Variants in SELENOS observed in about 807,000 individuals in gnomAD.
The protein encoded by SELENOS is selenoprotein S, also known as VCP interacting membrane selenoprotein.
A neutral mutation model predicts 30.2 loss-of-function variants in SELENOS; 37 were observed. The ratio of observed to expected loss-of-function variants is 1.23; its 90% CI spans 0.94 to 1.61. The LOEUF is 1.61. Among genes scored for constraint, SELENOS ranks in the 40% most tolerant of loss-of-function variants. SELENOS has a pLI of 0.00. For missense variants in SELENOS, 289 were observed against 231.8 expected (o/e 1.25, Z -1.60); for synonymous variants, 119 against 91.6 (o/e 1.30, Z -1.71).
At chr15:101,271,582 T>C (rs908948228), downstream of SELENOS, 1 of 152,250 alleles carries the variant, frequency 6.6e-6, no homozygotes, top group South Asian at 2.1e-4. Context: ...CCTCAAGAGA[T>C]TTTAAGTCTC....
downstream of SELENOS, chr15:101,271,493 G>C (rs986406109): frequency 6.6e-6 from 1 of 152,176 alleles, no homozygotes; most frequent in Non-Finnish European, 1.5e-5. Context: ...AAAGACTTAA[G>C]ACTATGCCAA....
Position 101,274,460 on chromosome 15 carries a change from G to C in SELENOS, c.444C>G (p.Val148=). The change falls in exon 5 of 6, where the codon GTC becomes GTG. Residue 148 remains valine (V), a synonymous_variant. Coordinates refer to ENST00000526049, the MANE Select transcript of SELENOS (RefSeq NM_018445.6). The stretch of plus-strand genomic sequence containing the variant: ...GCTTTCTGTCCGATTTCCGTTTCAG[G>C]ACAGATGAAGTGGAAGGCCCAGGAC... ...EDSPGPSTSS[V]LKRKSDRKPL... 2 of 1,609,656 alleles carry C rather than the reference G, an allele frequency of 1.2e-6. No individual in the cohort carries two copies. Among genetic ancestry groups the C allele is most frequent in the Middle Eastern group, 3.3e-4 (2 of 6,058 alleles).
chr15:101,275,228 C>T, intron 3 of SELENOS, 27 bp downstream of exon 3: 1 of 1,514,274 alleles, frequency 6.6e-7, no homozygotes, highest in Non-Finnish European at 8.8e-7. Context: ...TTTCTATGCA[C>T]ACATTCAAAC....
chr15:101,272,699 C>A lies in SELENOS; in HGVS notation c.*72G>T. The A allele has an allele frequency of 4.1e-6, 6 of 1,470,494 alleles. No homozygotes were observed. The highest frequency in any genetic ancestry group is 5.6e-6 in the Non-Finnish European group (6 of 1,073,676). 91.1% of individuals were successfully genotyped at this position (1,470,494 alleles called of 1,614,324 possible). ...CCCCTTGGCTAGTCACTGTGAAAAG[C>A]GTGCGTAAGGCAATTGAATCGAGGG... is the stretch of plus-strand genomic sequence containing the variant. On this transcript the variant is annotated 3_prime_UTR_variant, in exon 6 of 6. Coordinates refer to ENST00000526049, the MANE Select transcript of SELENOS (RefSeq NM_018445.6).
At chr15:101,275,647 G>C (rs1596465971) in intron 2 of SELENOS, among the ~76,000 whole-genome samples, 1 of 152,006 alleles carries the variant, frequency 6.6e-6, no homozygotes, top group African/African-American at 2.4e-5. Context: ...ATAAAGCCTG[G>C]GATAGTGGCC....
chr15:101,274,611 C>A lies in SELENOS; in HGVS notation c.389G>T (p.Gly130Val), dbSNP rs79140824. The change falls in exon 4 of 6, where the codon GGA (glycine) becomes GTA (valine). Residue 130 changes from glycine (G) to valine (V), a missense_variant. By Grantham distance (109) the Gly-to-Val change is moderately radical. Transcript: ENST00000526049. ...AGTCACCTGGGGCTTCTTTGCATTT[C>A]CTTTGTAACTTTTTCCTTCTTGCAT... ...DSMQEGKSYK[G>V]NAKKPQEEDS... 9,735 of 1,613,562 alleles carry A rather than the reference C, an allele frequency of 6.0e-3. 299 individuals carry two copies. The African/African-American group carries it at 0.089, about 15-fold the overall frequency.
downstream of SELENOS, chr15:101,271,538 T>C (rs1567117859): frequency 6.6e-6 from 1 of 152,266 alleles, no homozygotes; most frequent in Non-Finnish European, 1.5e-5. Context: ...TCAAGGCTCC[T>C]GTTTCCTCTC....
Position 101,272,551 on chromosome 15 carries a change from C to T in SELENOS, c.*220G>A. The T allele has an allele frequency of 2.0e-6, 1 of 497,004 alleles. No individual in the cohort carries two copies. The highest frequency in any genetic ancestry group is 1.9e-5 in the African/African-American group (1 of 51,690). 30.8% of individuals were successfully genotyped at this position (497,004 alleles called of 1,614,324 possible). On this transcript the variant is annotated 3_prime_UTR_variant, in exon 6 of 6. Coordinates refer to ENST00000526049, the MANE Select transcript of SELENOS (RefSeq NM_018445.6). ...CAATTAACCATGAAATCAATGAATG[C>T]AATCACTGTCTCCAAGTAGAATGTG...
chr15:101,277,414 C>A lies in SELENOS; in HGVS notation c.4G>T (p.Glu2Ter), dbSNP rs1184711488. ...GCGGACAGAGACTCCTCTTGGCGTTCCATGACCGCCGCCGCCGCCGCCGCC... is the reference window on the plus strand; with the variant it reads ...GCGGACAGAGACTCCTCTTGGCGTTACATGACCGCCGCCGCCGCCGCCGCC... M[E>*]RQEESLSARP... Residue 2 changes from glutamate to a stop codon, truncating the protein, a stop_gained, in exon 1 of 6, where the codon GAA becomes TAA. Coordinates refer to ENST00000526049, the MANE Select transcript of SELENOS (RefSeq NM_018445.6). LOFTEE classifies it high-confidence loss of function. 2 of 1,475,678 alleles carry A rather than the reference C, an allele frequency of 1.4e-6. No individual in the cohort carries two copies. Among genetic ancestry groups the A allele is most frequent in the Non-Finnish European group, 1.8e-6 (2 of 1,121,164 alleles). 91.4% of individuals were successfully genotyped at this position (1,475,678 alleles called of 1,614,324 possible). A position where few individuals can be genotyped will look rare whatever the true frequency, so the allele number is the denominator to read the frequency against.
intron 3 of SELENOS, 198 bp downstream of exon 3, chr15:101,275,057 C>T (rs2039308656): frequency 3.4e-6 from 2 of 580,868 alleles, no homozygotes; most frequent in African/African-American, 1.9e-5. Context: ...AATATATTCA[C>T]ACATCTAGTG....
At chr15:101,273,344 C>A (rs2039290473) in intron 5 of SELENOS, among the ~76,000 whole-genome samples, 1 of 152,214 alleles carries the variant, frequency 6.6e-6, no homozygotes, top group Admixed American at 6.5e-5. Flanking sequence ...AGTCAGTGCA[C>A]AACTGGTAAC....
chr15:101,273,987 A>C (rs2039296536), intron 5 of SELENOS, among the ~76,000 whole-genome samples: 1 of 152,220 alleles, frequency 6.6e-6, no homozygotes, highest in Non-Finnish European at 1.5e-5. Context: ...GATGGGATGA[A>C]GACAGACTGC....
downstream of SELENOS, chr15:101,270,889 GA>G (rs1246630357): frequency 3.9e-5 from 6 of 152,120 alleles, no homozygotes; most frequent in East Asian, 1.2e-3. Flanking sequence ...CATTCTCCCT[GA>G]CACCCTCCTT....
rs1375418396 is a variant in SELENOS, at chr15:101,274,592, C to A, written c.408G>T (p.Gln136His). Residue 136 changes from glutamine (Q) to histidine (H), a missense_variant and splice_region_variant, in exon 4 of 6, where the codon CAG becomes CAT. Physicochemically the swap from Gln to His is conservative, Grantham distance 24. Coordinates refer to ENST00000526049, the MANE Select transcript of SELENOS (RefSeq NM_018445.6). ...CCAGCCGGCCGAGGTCTCCAGTCAC[C>A]TGGGGCTTCTTTGCATTTCCTTTGT... ...KSYKGNAKKP[Q>H]EEDSPGPSTS... is the part of the protein sequence containing the mutation. 6.2e-7 allele frequency: 1 copy of A among 1,613,532 alleles called. No homozygotes were observed. The highest frequency in any genetic ancestry group is 1.3e-5 in the African/African-American group (1 of 75,034).
intron 3 of SELENOS, chr15:101,274,903 A>G: frequency 1.7e-6 from 1 of 602,608 alleles, no homozygotes; most frequent in African/African-American, 1.9e-5. Context: ...GTTTCATGAA[A>G]AAGATTACTG....
downstream of SELENOS, chr15:101,271,498 T>G (rs1392210446): frequency 6.6e-6 from 1 of 152,226 alleles, no homozygotes; most frequent in Non-Finnish European, 1.5e-5. Flanking sequence ...CTTAAGACTA[T>G]GCCAACCTAT....
chr15:101,275,726 T>C (rs2039318729), intron 2 of SELENOS, among the ~76,000 whole-genome samples: 1 of 152,322 alleles, frequency 6.6e-6, no homozygotes, highest in African/African-American at 2.4e-5. Context: ...CCTGGAAGAC[T>C]ACCAAGGAAA....
At chr15:101,275,126 A>C in intron 3 of SELENOS, 129 bp downstream of exon 3, 1 of 729,336 alleles carries the variant, frequency 1.4e-6, no homozygotes, top group Non-Finnish European at 2.2e-6. Context: ...TAGGAACTGA[A>C]ATGCTTATTG....
intron 2 of SELENOS, 141 bp from the exon 3 acceptor site, chr15:101,275,502 C>A: frequency 1.4e-6 from 1 of 711,678 alleles, no homozygotes; most frequent in Admixed American, 3.7e-5. Flanking sequence ...GTACTCCTAA[C>A]CCCTCTGCAT....
Sources: allele counts gnomAD v4.1 joint callset (sites outside exome capture counted in the v4.1 genomes callset), GRCh38; gene constraint gnomAD v4.1.1; transcripts MANE v1.5; gene names NCBI Gene and HGNC (gene_info 2026-07-23, HGNC 2026-07-21).